Variants in GRM8 observed in about 807,000 individuals in gnomAD.
GRM8 encodes the protein metabotropic glutamate receptor 8.
A neutral mutation model predicts 87.2 loss-of-function variants in GRM8; 47 were observed. The observed-to-expected ratio is 0.54, with a 90% CI of 0.43 to 0.69. The LOEUF (loss-of-function observed/expected upper bound fraction) is 0.69. Ranked by LOEUF, GRM8 falls within the 30% of genes least tolerant of loss-of-function variation. GRM8 has a pLI of 0.00. For missense variants in GRM8, 1,019 were observed against 1,139.2 expected (o/e 0.89, Z 1.52); for synonymous variants, 396 against 404.5 (o/e 0.98, Z 0.25).
intron 1 of GRM8, among the ~76,000 whole-genome samples, chr7:127,250,530 C>G (rs1290382802): frequency 6.6e-6 from 1 of 152,178 alleles, no homozygotes; most frequent in South Asian, 2.1e-4. Flanking sequence ...AGCAAGAATT[C>G]TCTATCTTAG....
intron 8 of GRM8, among the ~76,000 whole-genome samples, chr7:126,575,813 C>T (rs991262059): frequency 2.6e-5 from 4 of 152,092 alleles, no homozygotes; most frequent in African/African-American, 9.7e-5. Flanking sequence ...TGCTTTCTTT[C>T]TTATATTTGT....
chr7:127,235,425 A>G (rs962348980), intron 2 of GRM8, among the ~76,000 whole-genome samples: 2 of 152,198 alleles, frequency 1.3e-5, no homozygotes, highest in Admixed American at 6.5e-5. Flanking sequence ...GCTTTCAGCA[A>G]TTCACTCATC....
chr7:126,758,855 A>G lies in GRM8; in HGVS notation c.1357+11010T>C, dbSNP rs559774845. Among the ~76,000 whole-genome samples the G allele has an allele frequency of 4.6e-5, 7 of 152,198 alleles. No homozygotes were observed. The East Asian group carries it at 1.2e-3, about 25-fold the overall frequency. On this transcript the variant is annotated intron_variant, in intron 7 of 10. Coordinates refer to ENST00000339582, the MANE Select transcript of GRM8 (RefSeq NM_000845.3). ...ATAGTAATTAGGCACAATAATTTAA[A>G]GGAATTTTTTCATTAATGTCCCTCA...
chr7:126,716,987 C>G (rs1342978336), intron 7 of GRM8, among the ~76,000 whole-genome samples: 1 of 152,064 alleles, frequency 6.6e-6, no homozygotes, highest in Non-Finnish European at 1.5e-5. Context: ...AGAAAAGGAA[C>G]TACATGAAAG....
At chr7:127,208,772 C>T (rs899339298) in intron 2 of GRM8, among the ~76,000 whole-genome samples, 11 of 152,056 alleles carry the variant, frequency 7.2e-5, no homozygotes, top group African/African-American at 2.7e-4. Flanking sequence ...TGTGATCTAG[C>T]ATTACCAGTC....
At chr7:127,206,971 G>A (rs1267680962) in intron 2 of GRM8, among the ~76,000 whole-genome samples, 1 of 152,182 alleles carries the variant, frequency 6.6e-6, no homozygotes, top group Non-Finnish European at 1.5e-5. Flanking sequence ...ACCAGGAGAT[G>A]AAATGGGACA....
At chr7:126,441,864 G>A (rs975900854) in intron 10 of GRM8, among the ~76,000 whole-genome samples, 2 of 151,940 alleles carry the variant, frequency 1.3e-5, no homozygotes, top group African/African-American at 4.8e-5. Flanking sequence ...AATATTATGA[G>A]CTTCAGGCTA....
At chr7:126,794,903 G>T (rs1021179045) in intron 6 of GRM8, among the ~76,000 whole-genome samples, 3 of 152,128 alleles carry the variant, frequency 2.0e-5, no homozygotes, top group African/African-American at 7.2e-5. Context: ...CAAGTCGGCT[G>T]TACATTATAC....
intron 3 of GRM8, among the ~76,000 whole-genome samples, chr7:127,059,485 C>T (rs1011069719): frequency 6.6e-5 from 10 of 151,860 alleles, no homozygotes; most frequent in African/African-American, 2.2e-4. Context: ...TACAGGTGCA[C>T]GCCACCACAC....
Position 126,533,464 on chromosome 7 carries a change from T to C in GRM8, c.1918A>G (p.Ile640Val), listed in dbSNP as rs372283879. The C allele has an allele frequency of 2.4e-5, 38 of 1,614,022 alleles. No individual in the cohort carries two copies. Among genetic ancestry groups the C allele is most frequent in the Admixed American group, 5.0e-5 (3 of 59,996 alleles). The change falls in exon 9 of 11, where the codon ATT (isoleucine) becomes GTT (valine). Residue 640 changes from isoleucine (I) to valine (V), a missense_variant. Ile to Val is a conservative substitution (Grantham distance 29). Transcript: ENST00000339582. ...CATATGATTGTATCTGGTGCTGCAATCATTAAAAACGTGATTGAATAACAG... is the reference window on the plus strand; with the variant it reads ...CATATGATTGTATCTGGTGCTGCAACCATTAAAAACGTGATTGAATAACAG... ...FLCYSITFLM[I>V]AAPDTIICSF...
At chr7:126,827,322 A>G (rs554093838) in intron 6 of GRM8, among the ~76,000 whole-genome samples, 239 of 152,238 alleles carry the variant, frequency 1.6e-3, no homozygotes, top group Non-Finnish European at 3.1e-3. Flanking sequence ...GGCCATTTTC[A>G]TGATATTTTC....
intron 6 of GRM8, among the ~76,000 whole-genome samples, chr7:126,862,529 C>T (rs1406397398): frequency 1.3e-5 from 2 of 152,032 alleles, no homozygotes; most frequent in African/African-American, 4.8e-5. Context: ...CCATTCCCTA[C>T]ATACTTTTCT....
intron 8 of GRM8, among the ~76,000 whole-genome samples, chr7:126,609,107 A>C (rs1387605597): frequency 6.6e-6 from 1 of 152,196 alleles, no homozygotes; most frequent in Non-Finnish European, 1.5e-5. Context: ...AAAAGGGCAA[A>C]ATTTATCTAA....
intron 9 of GRM8, among the ~76,000 whole-genome samples, chr7:126,502,258 T>C (rs1027098246): frequency 5.9e-5 from 9 of 152,062 alleles, no homozygotes; most frequent in African/African-American, 1.7e-4. Context: ...ACACCATCTC[T>C]ACAGTGACAA....
chr7:127,173,115 T>C (rs1207227570), intron 2 of GRM8, among the ~76,000 whole-genome samples: 3 of 152,220 alleles, frequency 2.0e-5, no homozygotes, highest in Non-Finnish European at 4.4e-5. Context: ...TATTATTTCA[T>C]GCCGTCTGGA....
At chr7:126,511,213 T>C (rs1456752681) in intron 9 of GRM8, 1 of 152,136 alleles carries the variant, frequency 6.6e-6, no homozygotes, top group Non-Finnish European at 1.5e-5. Context: ...AGTGAAAATT[T>C]CAGGGCTGTG....
chr7:126,647,652 A>T (rs1379563143), intron 7 of GRM8, among the ~76,000 whole-genome samples: 2 of 152,144 alleles, frequency 1.3e-5, no homozygotes, highest in African/African-American at 4.8e-5. Context: ...AGAGTTGCTT[A>T]CATGAAGAAT....
In GRM8 at chr7:127,172,520, C is replaced by T. The variant is rs995310657; in HGVS notation, c.511-65808G>A. 2.6e-5 allele frequency among the ~76,000 whole-genome samples: 4 copies of T among 151,856 alleles called. 1 individual carries two copies. Among genetic ancestry groups the T allele is most frequent in the South Asian group, 4.1e-4 (2 of 4,826 alleles). ...AGGAGTTCAAGACCAGCCTGACCAA[C>T]ATGATGAAACCCCATCTGTACTAAA... is the stretch of plus-strand genomic sequence containing the variant. On this transcript the variant is annotated intron_variant, in intron 2 of 10. Transcript: ENST00000339582.
At chr7:127,122,806 TA>T (rs1236047708) in intron 2 of GRM8, among the ~76,000 whole-genome samples, 4 of 151,684 alleles carry the variant, frequency 2.6e-5, no homozygotes, top group Admixed American at 2.6e-4. Context: ...AATACTGAGA[TA>T]AAAAAAATTC....
Sources: gnomAD v4.1 joint callset for allele counts (sites outside exome capture counted in the v4.1 genomes callset) on GRCh38, gnomAD v4.1.1 for gene constraint, MANE v1.5 for transcripts, NCBI Gene and HGNC (gene_info 2026-07-23, HGNC 2026-07-21) for gene names.